TOPAZ1: variants seen among roughly 807,000 people sequenced by gnomAD.
TOPAZ1 encodes the protein testis and ovary specific TOPAZ 1.
In TOPAZ1, 66 loss-of-function variants were observed where a neutral mutation model predicts 172.2. The observed-to-expected ratio is 0.38, with a 90% CI of 0.31 to 0.47. The LOEUF is 0.47. TOPAZ1 is among the 20% of genes least tolerant of loss of function. The probability of loss-of-function intolerance (pLI) is 0.99; values close to 1 mark genes in which losing one functional copy is unlikely to be tolerated. For missense variants in TOPAZ1, 1,822 were observed against 1,972.4 expected, an observed-to-expected ratio of 0.92 and a Z score of 1.44; for synonymous variants, 681 against 683.9, an observed-to-expected ratio of 1.00 and a Z score of 0.07.
intron 9 of TOPAZ1, among the ~76,000 whole-genome samples, chr3:44,284,066 C>G (rs983375998): frequency 6.6e-6 from 1 of 152,080 alleles, no homozygotes; most frequent in African/African-American, 2.4e-5. Flanking sequence ...CTCCTTTAAT[C>G]TAGAACATTT....
rs1046849803 is a variant in TOPAZ1, at chr3:44,305,468, C to T, written c.4039+147C>T. 1.2e-5 allele frequency: 7 copies of T among 563,860 alleles called. No individual in the cohort carries two copies. The South Asian group carries it at 1.5e-4, about 12-fold the overall frequency. 34.9% of individuals were successfully genotyped at this position (563,860 alleles called of 1,614,324 possible). On this transcript the variant is annotated intron_variant, in intron 14 of 19. Coordinates refer to ENST00000309765, the MANE Select transcript of TOPAZ1 (RefSeq NM_001145030.2). ...CACCGCAGCCTCGAACTCCTGGGCT[C>T]AAGCACTTCTCCTGCCTCAGCCTCC...
chr3:44,333,288 A>G (rs1433791069), downstream of TOPAZ1, among the ~76,000 whole-genome samples: 3 of 152,176 alleles, frequency 2.0e-5, no homozygotes, highest in Non-Finnish European at 4.4e-5. Context: ...CAAATGGGAT[A>G]TGGGGAAGTG....
In TOPAZ1 at chr3:44,242,970, A is replaced by G; in HGVS notation, c.464A>G (p.Gln155Arg). Residue 155 changes from glutamine to arginine, a missense_variant, in exon 2 of 20, where the codon CAG (glutamine) becomes CGG (arginine). By Grantham distance (43) the Gln-to-Arg change is conservative. This residue lies in a region of TOPAZ1 where 1,489 missense variants were observed against 1,490.8 expected (regional missense o/e 1.00). Coordinates refer to ENST00000309765, the MANE Select transcript of TOPAZ1 (RefSeq NM_001145030.2). Reference sequence around the variant, plus strand: ...TCTTTCCAAACAGTGGAATGCTTGCAGTCTTTGGGTAAGGAAAGTATAATA... The same window carrying G: ...TCTTTCCAAACAGTGGAATGCTTGCGGTCTTTGGGTAAGGAAAGTATAATA... ...SESFQTVECL[Q>R]SLGKESIIEG... 2 of 1,550,846 alleles carry G rather than the reference A, an allele frequency of 1.3e-6. No individual in the cohort carries two copies. The highest frequency in any genetic ancestry group is 1.2e-5 in the South Asian group (1 of 83,592).
Position 44,242,105 on chromosome 3 carries a change from A to G in TOPAZ1, c.52A>G (p.Asn18Asp), listed in dbSNP as rs768592471. 3.9e-5 allele frequency: 61 copies of G among 1,548,246 alleles called. No homozygotes were observed. In the South Asian group the frequency reaches 5.8e-4, roughly 15 times the overall value. ...CACGACGGCCTCAGGGCCTGAAGGC[A>G]ATGTGCGAAACCTGCAGAAGCGGCA... is the stretch of plus-strand genomic sequence containing the variant. ...GPTTASGPEG[N>D]VRNLQKRQAP... The change falls in exon 1 of 20, where the codon AAT (asparagine) becomes GAT (aspartate). Residue 18 changes from asparagine (N) to aspartate (D), a missense_variant. Asn to Asp is a conservative substitution (Grantham distance 23). This residue lies in a region of TOPAZ1 where 1,489 missense variants were observed against 1,490.8 expected (regional missense o/e 1.00). Coordinates refer to ENST00000309765, the MANE Select transcript of TOPAZ1 (RefSeq NM_001145030.2).
rs1274309068 is a variant in TOPAZ1 at position 44,243,478 on chromosome 3, C to A, written c.972C>A (p.Ser324Arg). ...AAAATAAATATTCAATAGAGGAGAG[C>A]AGTGTTGGGCGAAAACCCAGGAAAA... ...HEKNKYSIEE[S>R]SVGRKPRKRM... is the part of the protein sequence containing the mutation. The change falls in exon 2 of 20, where the codon AGC becomes AGA. Residue 324 changes from serine (S) to arginine (R), a missense_variant. Ser to Arg is a moderately radical substitution (Grantham distance 110). This residue lies in a region of TOPAZ1 where 1,489 missense variants were observed against 1,490.8 expected (regional missense o/e 1.00). Transcript: ENST00000309765. 1 of 1,551,610 alleles carries A rather than the reference C, an allele frequency of 6.4e-7. No homozygotes were observed.
At chr3:44,293,846 A>G (rs1165441156) in intron 12 of TOPAZ1, among the ~76,000 whole-genome samples, 2 of 152,222 alleles carry the variant, frequency 1.3e-5, no homozygotes, top group Non-Finnish European at 2.9e-5. Context: ...AGGCTATATC[A>G]TATAGCCTAG....
At chr3:44,262,933 T>C (rs1417785408) in intron 5 of TOPAZ1, among the ~76,000 whole-genome samples, 1 of 152,130 alleles carries the variant, frequency 6.6e-6, no homozygotes, top group Non-Finnish European at 1.5e-5. Context: ...CCACCCTCAT[T>C]TTGCATGTGA....
chr3:44,323,826 C>A (rs1429892176), intron 18 of TOPAZ1, among the ~76,000 whole-genome samples: 1 of 152,114 alleles, frequency 6.6e-6, no homozygotes. Flanking sequence ...AACAAATAAG[C>A]CTGGAAAACT....
intron 3 of TOPAZ1, among the ~76,000 whole-genome samples, chr3:44,255,680 C>T (rs868750530): frequency 1.9e-4 from 7 of 36,090 alleles, no homozygotes; most frequent in South Asian, 1.2e-3. Flanking sequence ...TACACACACA[C>T]ACACACACAC....
Position 44,290,868 on chromosome 3 carries a change from T to C in TOPAZ1, c.3779T>C (p.Val1260Ala). Residue 1260 changes from valine to alanine, a missense_variant, in exon 12 of 20, where the codon GTT becomes GCT. This residue lies in a region of TOPAZ1 where 1,489 missense variants were observed against 1,490.8 expected (regional missense o/e 1.00). Transcript: ENST00000309765. ...VQASKQEITAVLEMKSRLQMR... is the reference protein window; with the variant it reads ...VQASKQEITAALEMKSRLQMR... ...GCTTCCAAACAAGAAATAACTGCAGTTCTGGAAATGAAATCGAGGTGAGAA... is the reference window on the plus strand; with the variant it reads ...GCTTCCAAACAAGAAATAACTGCAGCTCTGGAAATGAAATCGAGGTGAGAA... 1 of 1,544,818 alleles carries C rather than the reference T, an allele frequency of 6.5e-7. No homozygotes were observed. The highest frequency in any genetic ancestry group is 8.7e-7 in the Non-Finnish European group (1 of 1,143,390).
intron 9 of TOPAZ1, among the ~76,000 whole-genome samples, chr3:44,284,331 G>C (rs1370833765): frequency 6.6e-6 from 1 of 151,972 alleles, no homozygotes; most frequent in Non-Finnish European, 1.5e-5. Context: ...CTATGAATTT[G>C]TCTATTCTAG....
At chr3:44,306,126 T>C (rs1364696620) in intron 14 of TOPAZ1, among the ~76,000 whole-genome samples, 200 bp from the exon 15 acceptor site, 1 of 152,228 alleles carries the variant, frequency 6.6e-6, no homozygotes, top group Non-Finnish European at 1.5e-5. Flanking sequence ...ATGTGATCTC[T>C]ATCACATAGT....
chr3:44,244,230 T>A lies in TOPAZ1; in HGVS notation c.1724T>A (p.Val575Asp). Residue 575 changes from valine (V) to aspartate (D), a missense_variant, in exon 2 of 20, where the codon GTT (valine) becomes GAT (aspartate). Physicochemically the swap from Val to Asp is radical, Grantham distance 152. Around this residue, in one of 2 missense-constraint regions of TOPAZ1, gnomAD observed 1,489 missense variants for 1,490.8 expected, o/e 1.00. Transcript: ENST00000309765. ...TCTAATTCTAATTGTTTGTCTTCAG[T>A]TTCTGCAGTAGAACCTACTTTAATG... ...LDSNSNCLSSVSAVEPTLMVI... is the reference protein window; with the variant it reads ...LDSNSNCLSSDSAVEPTLMVI... The A allele has an allele frequency of 6.5e-7, 1 of 1,549,388 alleles. No individual in the cohort carries two copies.
At chr3:44,291,644 T>C (rs1700139339) in intron 12 of TOPAZ1, among the ~76,000 whole-genome samples, 1 of 145,982 alleles carries the variant, frequency 6.9e-6, no homozygotes, top group Admixed American at 6.9e-5. Flanking sequence ...CTAACAATTA[T>C]ACAAGTGGTA....
chr3:44,305,997 T>C (rs1700332691), intron 14 of TOPAZ1, among the ~76,000 whole-genome samples: 1 of 152,222 alleles, frequency 6.6e-6, no homozygotes. Context: ...AGAGTCTATA[T>C]AGTTTTGAAT....
At chr3:44,333,902 G>T (rs1575223626), downstream of TOPAZ1, among the ~76,000 whole-genome samples, 1 of 152,238 alleles carries the variant, frequency 6.6e-6, no homozygotes, top group East Asian at 1.9e-4. Context: ...CTCGCCACAG[G>T]AGATTTTTCC....
chr3:44,309,848 A>C lies in TOPAZ1; in HGVS notation c.4164A>C (p.Leu1388=). 5.2e-6 allele frequency: 8 copies of C among 1,531,592 alleles called. No homozygotes were observed. Among genetic ancestry groups the C allele is most frequent in the Non-Finnish European group, 7.1e-6 (8 of 1,134,648 alleles). The allele number at this position is 1,531,592 out of a possible 1,614,324, so 94.9% of individuals were successfully genotyped here. ...WSKGRKVLEK[L]YELKIHFTSL... is the part of the protein sequence containing the mutation. ...AGGGAAGGAAGGTCTTAGAGAAACT[A>C]TATGAATTAAAAATACACTTTACAA... Residue 1388 remains leucine, a synonymous_variant, in exon 16 of 20, where the codon CTA becomes CTC. Coordinates refer to ENST00000309765, the MANE Select transcript of TOPAZ1 (RefSeq NM_001145030.2).
At chr3:44,302,067 GT>G (rs1252499597) in intron 12 of TOPAZ1, among the ~76,000 whole-genome samples, 9 of 152,102 alleles carry the variant, frequency 5.9e-5, no homozygotes, top group African/African-American at 2.2e-4. Context: ...AATGGATTCA[GT>G]TTTATCTTTT....
At chr3:44,304,716 C>T (rs940489063) in intron 13 of TOPAZ1, among the ~76,000 whole-genome samples, 2 of 152,006 alleles carry the variant, frequency 1.3e-5, no homozygotes, top group South Asian at 2.1e-4. Context: ...GTGTCCAAAA[C>T]GATATGTGGG....
Sources: gnomAD v4.1 joint callset for allele counts (sites outside exome capture counted in the v4.1 genomes callset) on GRCh38, gnomAD v4.1.1 for gene constraint, gnomAD v4.1.1 regional missense constraint, MANE v1.5 for transcripts, NCBI Gene and HGNC (gene_info 2026-07-23, HGNC 2026-07-21) for gene names.